Variants in ASL observed in about 807,000 individuals in gnomAD.
The protein encoded by ASL is argininosuccinate lyase, also known as argininosuccinase.
ASL carries 51 observed loss-of-function variants against 69.1 expected under a neutral mutation model. The observed-to-expected ratio is 0.74, with a 90% CI of 0.59 to 0.93. ASL has a LOEUF of 0.93. Among genes scored for constraint, ASL ranks in the 40% least tolerant of loss-of-function variants. The probability of loss-of-function intolerance (pLI) is 0.00; values close to 1 mark genes in which losing one functional copy is unlikely to be tolerated. For missense variants in ASL, 540 were observed against 623.9 expected (o/e 0.87, Z 1.43); for synonymous variants, 241 against 247.6 (o/e 0.97, Z 0.25).
At chr7:66,076,438 G>A (rs1786349215) in intron 2 of ASL, among the ~76,000 whole-genome samples, 1 of 152,100 alleles carries the variant, frequency 6.6e-6, no homozygotes, top group Non-Finnish European at 1.5e-5. Context: ...TTCTTACCAC[G>A]TGTCCTCCTG....
chr7:66,093,273 C>T lies in ASL; in HGVS notation c.*361C>T. The T allele has an allele frequency of 2.7e-6, 1 of 365,886 alleles. No homozygotes were observed. Among genetic ancestry groups the T allele is most frequent in the East Asian group, 6.0e-5 (1 of 16,710 alleles). The allele number at this position is 365,886 out of a possible 1,614,324, so 22.7% of individuals were successfully genotyped here. A position where few individuals can be genotyped will look rare whatever the true frequency, so the allele number is the denominator to read the frequency against. On this transcript the variant is annotated 3_prime_UTR_variant, in exon 17 of 17. Transcript: ENST00000304874. The stretch of plus-strand genomic sequence containing the variant: ...GAGGCTGCAGTGAGCTATGATCACG[C>T]CACTGCATTCCAGCCTGGATAACAG...
Position 66,081,826 on chromosome 7 carries a change from G to T in ASL, c.36G>T (p.Arg12=), listed in dbSNP as rs1400263045. The part of the protein sequence containing the change: ...ASESGKLWGG[R]FVGAVDPIME... Reference sequence around the variant, plus strand: ...AGAGTGGGAAGCTTTGGGGTGGCCGGTTTGTGGGTGCAGTGGACCCCATCA... The same window carrying T: ...AGAGTGGGAAGCTTTGGGGTGGCCGTTTTGTGGGTGCAGTGGACCCCATCA... The change falls in exon 3 of 17, where the codon CGG becomes CGT. Residue 12 remains arginine (R), a synonymous_variant. Coordinates refer to ENST00000304874, the MANE Select transcript of ASL (RefSeq NM_000048.4). 6.2e-7 allele frequency: 1 copy of T among 1,613,852 alleles called. No individual in the cohort carries two copies. Among genetic ancestry groups the T allele is most frequent in the Middle Eastern group, 1.7e-4 (1 of 6,056 alleles).
chr7:66,091,049 G>A (rs567147950), intron 14 of ASL, among the ~76,000 whole-genome samples: 1 of 138,122 alleles, frequency 7.2e-6, no homozygotes, highest in African/African-American at 2.8e-5. Context: ...AGTGAGCAGA[G>A]ATCACGCCAC....
chr7:66,088,958 G>C (rs762415761), intron 11 of ASL, 37 bp downstream of exon 11: 4 of 1,609,410 alleles, frequency 2.5e-6, no homozygotes, highest in African/African-American at 1.3e-5. Flanking sequence ...TGCCGCTGCC[G>C]GCCTCTGTAT....
chr7:66,093,057 C>A lies in ASL; in HGVS notation c.*145C>A. 2.2e-6 allele frequency: 3 copies of A among 1,375,356 alleles called. No individual in the cohort carries two copies. Among genetic ancestry groups the A allele is most frequent in the Non-Finnish European group, 3.0e-6 (3 of 1,008,836 alleles). 85.2% of individuals were successfully genotyped at this position (1,375,356 alleles called of 1,614,324 possible). ...GACTGGAGAGGCAGGGCAGGGTGGC[C>A]TGTAATCCCAGCACTTTGGAAGGGC... On this transcript the variant is annotated 3_prime_UTR_variant, in exon 17 of 17. Coordinates refer to ENST00000304874, the MANE Select transcript of ASL (RefSeq NM_000048.4).
intron 2 of ASL, among the ~76,000 whole-genome samples, chr7:66,080,582 G>C (rs758214234): frequency 6.6e-6 from 1 of 151,668 alleles, no homozygotes; most frequent in African/African-American, 2.4e-5. Context: ...ACTCAGCCAG[G>C]TGTGGTGGCA....
At chr7:66,078,973 G>A (rs955409777) in intron 2 of ASL, among the ~76,000 whole-genome samples, 1 of 151,910 alleles carries the variant, frequency 6.6e-6, no homozygotes, top group Non-Finnish European at 1.5e-5. Context: ...GCAGTGGCAC[G>A]ATCTCAGCTC....
intron 14 of ASL, among the ~76,000 whole-genome samples, chr7:66,091,428 C>T (rs62467437): frequency 0.037 from 5,560 of 152,224 alleles, 162 homozygotes; most frequent in East Asian, 0.084. Context: ...GTCGTGATGG[C>T]GTGTACCTGT....
intron 6 of ASL, chr7:66,083,420 C>T: frequency 2.3e-6 from 1 of 428,760 alleles, no homozygotes. Flanking sequence ...TGCGGTGGCT[C>T]ACGCCTGTAA....
Position 66,081,794 on chromosome 7 carries a change from C to G in ASL, c.13-9C>G. 1 of 1,612,356 alleles carries G rather than the reference C, an allele frequency of 6.2e-7. No homozygotes were observed. Among genetic ancestry groups the G allele is most frequent in the Non-Finnish European group, 8.5e-7 (1 of 1,179,068 alleles). The stretch of plus-strand genomic sequence containing the variant: ...AGGAGAGACTAATTGTTCTTGCTCT[C>G]CTGGCCAGAGTGGGAAGCTTTGGGG... On this transcript the variant is annotated splice_polypyrimidine_tract_variant and intron_variant, in intron 2 of 16. Transcript: ENST00000304874.
At position 66,087,724 on chromosome 7, in the gene ASL, C is replaced by A. The variant is rs201814807; in HGVS notation, c.656-5C>A. 331 of 1,614,114 alleles carry A rather than the reference C, an allele frequency of 2.1e-4. 1 individual carries two copies. In the East Asian group the frequency reaches 4.2e-3, roughly 20 times the overall value. ...GCTTAGCCCTGCTTCCTCCCACCCC[C>A]CCAGAACTCAACTTTGGGGCCATCA... is the stretch of plus-strand genomic sequence containing the variant. On this transcript the variant is annotated splice_region_variant and splice_polypyrimidine_tract_variant and intron_variant, in intron 9 of 16. Coordinates refer to ENST00000304874, the MANE Select transcript of ASL (RefSeq NM_000048.4).
chr7:66,077,385 C>T (rs1786378009), intron 2 of ASL, among the ~76,000 whole-genome samples: 2 of 152,026 alleles, frequency 1.3e-5, no homozygotes, highest in South Asian at 4.1e-4. Context: ...GATCTCACCA[C>T]TGCACTCCAG....
At chr7:66,091,142 C>G (rs976696323) in intron 14 of ASL, among the ~76,000 whole-genome samples, 1 of 151,486 alleles carries the variant, frequency 6.6e-6, no homozygotes, top group African/African-American at 2.4e-5. Flanking sequence ...GGAGGCTAGT[C>G]CCCCAACTAG....
intron 4 of ASL, 141 bp downstream of exon 4, chr7:66,082,592 G>C: frequency 9.6e-7 from 1 of 1,045,280 alleles, no homozygotes; most frequent in South Asian, 1.4e-5. Context: ...CAGGCACCCT[G>C]GCTCATGCCT....
rs776856037 is a variant in ASL at position 66,079,594 on chromosome 7, A to ATTATT, written c.13-2191_13-2187dup. 7.9e-5 allele frequency among the ~76,000 whole-genome samples: 12 copies of ATTATT among 152,200 alleles called. No homozygotes were observed. In the South Asian group the frequency reaches 1.0e-3, roughly 13 times the overall value. ...ACATAGTGAGACCCTGTCTCTACCA[A>ATTATT]TTATTTTATTTTATTTTATTTTGTT... On this transcript the variant is annotated intron_variant, in intron 2 of 16. Transcript: ENST00000304874.
At position 66,082,762 on chromosome 7, in the gene ASL, G is replaced by A. The variant is rs1786544643; in HGVS notation, c.292-118G>A. The A allele has an allele frequency of 9.6e-6, 12 of 1,245,150 alleles. No individual in the cohort carries two copies. In the East Asian group the frequency reaches 3.0e-4, roughly 31 times the overall value. The allele number at this position is 1,245,150 out of a possible 1,614,324, so 77.1% of individuals were successfully genotyped here. On this transcript the variant is annotated intron_variant, in intron 4 of 16. Coordinates refer to ENST00000304874, the MANE Select transcript of ASL (RefSeq NM_000048.4). The stretch of plus-strand genomic sequence containing the variant: ...GCAGAAATGGCGAGAGATTTGGGGA[G>A]GACCCGGAGCCCTGGGGTATGGAGG...
chr7:66,088,936 G>A lies in ASL; in HGVS notation c.833+15G>A. The stretch of plus-strand genomic sequence containing the variant: ...GATGCCTACAGGTAAGCCCTGAACT[G>A]CCACCTCCATCTGCCGCTGCCGGCC... On this transcript the variant is annotated intron_variant, in intron 11 of 16. Transcript: ENST00000304874. 3 of 1,612,268 alleles carry A rather than the reference G, an allele frequency of 1.9e-6. No homozygotes were observed. Among genetic ancestry groups the A allele is most frequent in the Non-Finnish European group, 2.5e-6 (3 of 1,178,866 alleles).
At position 66,092,774 on chromosome 7, in the gene ASL, G is replaced by T. The variant is rs1208547893; in HGVS notation, c.1257G>T (p.Leu419=). 6.2e-7 allele frequency: 1 copy of T among 1,613,798 alleles called. No homozygotes were observed. ...CCTCTTCCTCTCTCCCCAGCCCCCT[G>T]TTCTCGGGCGACGTGATCTGCGTGT... ...SLQELQTISP[L]FSGDVICVWD... Residue 419 remains leucine (L), a synonymous_variant, in exon 17 of 17, where the codon CTG becomes CTT. Transcript: ENST00000304874.
chr7:66,081,868 G>A lies in ASL; in HGVS notation c.78G>A (p.Ala26=), dbSNP rs115069006. 29 of 1,614,072 alleles carry A rather than the reference G, an allele frequency of 1.8e-5. No individual in the cohort carries two copies. The highest frequency in any genetic ancestry group is 1.6e-4 in the Middle Eastern group (1 of 6,062). The change falls in exon 3 of 17, where the codon GCG becomes GCA. Residue 26 remains alanine (A), a synonymous_variant. Coordinates refer to ENST00000304874, the MANE Select transcript of ASL (RefSeq NM_000048.4). ...ACCCCATCATGGAGAAGTTCAACGCGTCCATTGCCTACGACCGGCACCTTT... is the reference window on the plus strand; with the variant it reads ...ACCCCATCATGGAGAAGTTCAACGCATCCATTGCCTACGACCGGCACCTTT... The part of the protein sequence containing the change: ...AVDPIMEKFN[A]SIAYDRHLWE...
Sources: gnomAD v4.1 joint callset for allele counts (sites outside exome capture counted in the v4.1 genomes callset) on GRCh38, gnomAD v4.1.1 for gene constraint, MANE v1.5 for transcripts, NCBI Gene and HGNC (gene_info 2026-07-23, HGNC 2026-07-21) for gene names.